SAMMSON: variants seen among roughly 807,000 people sequenced by gnomAD.
SAMMSON encodes survival associated mitochondrial melanoma specific oncogenic non-coding RNA, also known as long intergenic non-protein coding RNA 1212.
intron 4 of SAMMSON, among the ~76,000 whole-genome samples, chr3:70,152,408 A>G (rs1433554084): frequency 6.6e-6 from 1 of 152,018 alleles, no homozygotes; most frequent in Non-Finnish European, 1.5e-5. Context: ...CCTACTACCA[A>G]TGGATCTTTT....
intron 4 of SAMMSON, among the ~76,000 whole-genome samples, chr3:70,123,845 C>T (rs368348915): frequency 2.0e-4 from 31 of 152,280 alleles, no homozygotes; most frequent in East Asian, 1.5e-3. Flanking sequence ...TTTTGGAGGG[C>T]CTCTGAGGAT....
At chr3:70,215,028 T>C (rs1170028048) in intron 4 of SAMMSON, among the ~76,000 whole-genome samples, 2 of 152,132 alleles carry the variant, frequency 1.3e-5, no homozygotes, top group African/African-American at 2.4e-5. Context: ...TTACTATCAG[T>C]GTTTAAATAT....
At chr3:70,153,790 G>A (rs1457039500) in intron 4 of SAMMSON, among the ~76,000 whole-genome samples, 4 of 151,900 alleles carry the variant, frequency 2.6e-5, no homozygotes, top group Non-Finnish European at 4.4e-5. Flanking sequence ...CATCACCAAC[G>A]TTCCTCTCCA....
chr3:70,133,616 T>C (rs1360122862), intron 4 of SAMMSON, among the ~76,000 whole-genome samples: 1 of 151,940 alleles, frequency 6.6e-6, no homozygotes, highest in Non-Finnish European at 1.5e-5. Context: ...ATCTGAAGTG[T>C]GGGTAGTCTT....
At chr3:70,203,891 A>C (rs188248746) in intron 4 of SAMMSON, among the ~76,000 whole-genome samples, 1 of 152,236 alleles carries the variant, frequency 6.6e-6, no homozygotes, top group East Asian at 1.9e-4. Context: ...TTGCAGAAAC[A>C]GAAGTGGGGA....
chr3:70,378,128 T>C (rs1703036567), intron 9 of SAMMSON, among the ~76,000 whole-genome samples: 1 of 151,012 alleles, frequency 6.6e-6, no homozygotes, highest in South Asian at 2.1e-4. Flanking sequence ...TATTTAGTTA[T>C]ATATAATTTA....
At chr3:70,363,530 A>G (rs1702893736) in intron 9 of SAMMSON, among the ~76,000 whole-genome samples, 1 of 152,096 alleles carries the variant, frequency 6.6e-6, no homozygotes, top group African/African-American at 2.4e-5. Context: ...TAGCATTTCT[A>G]TACACCAAAA....
intron 2 of SAMMSON, among the ~76,000 whole-genome samples, chr3:70,430,469 G>A (rs1256207937): frequency 6.6e-6 from 1 of 152,080 alleles, no homozygotes; most frequent in East Asian, 1.9e-4. Context: ...CAATCTAGTA[G>A]AAGGAGTAAC....
intron 7 of SAMMSON, among the ~76,000 whole-genome samples, chr3:70,339,701 G>A (rs1457161490): frequency 2.0e-5 from 3 of 152,090 alleles, no homozygotes; most frequent in African/African-American, 7.2e-5. Context: ...AAACCACAAC[G>A]AGATACCATC....
At chr3:70,034,466 C>T (rs962178362) in intron 3 of SAMMSON, among the ~76,000 whole-genome samples, 12 of 152,120 alleles carry the variant, frequency 7.9e-5, no homozygotes, top group African/African-American at 2.9e-4. Context: ...GCCTGGAAAC[C>T]ATGCAGTATA....
At position 70,157,484 on chromosome 3, in the gene SAMMSON, T is replaced by G. The variant is rs2067596570; in HGVS notation, n.507+85919T>G. Among the ~76,000 whole-genome samples the G allele has an allele frequency of 2.0e-5, 3 of 152,048 alleles. No individual in the cohort carries two copies. The South Asian group carries it at 6.2e-4, about 32-fold the overall frequency. ...ATGGATATAGTAATTTGCAAGAGTT[T>G]AGGAGAGAAAGGTCCCTAGTGGAAT... On this transcript the variant is annotated intron_variant and non_coding_transcript_variant, in intron 4 of 9. Transcript: ENST00000642114.
At chr3:70,263,273 C>T (rs536527902) in intron 6 of SAMMSON, among the ~76,000 whole-genome samples, 31 of 151,828 alleles carry the variant, frequency 2.0e-4, no homozygotes, top group Admixed American at 7.2e-4. Flanking sequence ...TTTATGTTAT[C>T]GAGTGCTGGT....
At chr3:70,231,913 G>C (rs766005889) in intron 4 of SAMMSON, among the ~76,000 whole-genome samples, 4 of 152,164 alleles carry the variant, frequency 2.6e-5, no homozygotes, top group Non-Finnish European at 5.9e-5. Context: ...TTCCCTTCCA[G>C]AGCTGATGCT....
chr3:70,060,236 G>A (rs904004123), intron 3 of SAMMSON, among the ~76,000 whole-genome samples: 4 of 152,040 alleles, frequency 2.6e-5, no homozygotes, highest in Non-Finnish European at 5.9e-5. Flanking sequence ...GCTATGACAA[G>A]GACAGAATAC....
At chr3:70,193,528 C>G (rs992527065) in intron 4 of SAMMSON, among the ~76,000 whole-genome samples, 9 of 152,104 alleles carry the variant, frequency 5.9e-5, no homozygotes, top group African/African-American at 1.9e-4. Flanking sequence ...AGTCCAGCCC[C>G]TATGTTGATT....
intron 4 of SAMMSON, among the ~76,000 whole-genome samples, chr3:70,222,971 T>A (rs1446185415): frequency 6.6e-6 from 1 of 152,202 alleles, no homozygotes; most frequent in East Asian, 1.9e-4. Context: ...GGAGTGCTTG[T>A]TGAAACACAT....
chr3:70,070,853 A>G (rs114031125), intron 3 of SAMMSON, among the ~76,000 whole-genome samples: 58 of 152,156 alleles, frequency 3.8e-4, no homozygotes, highest in African/African-American at 1.4e-3. Flanking sequence ...TTTATTTTGT[A>G]GCTCTTGTTT....
intron 4 of SAMMSON, chr3:70,126,035 A>T: frequency 1.0e-6 from 1 of 973,522 alleles, no homozygotes; most frequent in Non-Finnish European, 1.6e-6. Context: ...GCTGTGGGCA[A>T]ATTCATTTTA....
intron 7 of SAMMSON, among the ~76,000 whole-genome samples, chr3:70,299,957 G>C (rs1028162974): frequency 6.6e-6 from 1 of 151,852 alleles, no homozygotes; most frequent in Non-Finnish European, 1.5e-5. Flanking sequence ...CGTAGCTATC[G>C]TTCTCTGAAA....
Sources: allele counts gnomAD v4.1 joint callset (sites outside exome capture counted in the v4.1 genomes callset), GRCh38; gene constraint gnomAD v4.1.1; transcripts MANE v1.5; gene names NCBI Gene and HGNC (gene_info 2026-07-23, HGNC 2026-07-21).